The following FAM120B variants were observed in gnomAD, a reference collection of about 807,000 sequenced individuals.
FAM120B encodes family with sequence similarity 120 member B.
FAM120B carries 83 observed loss-of-function variants against 96.3 expected under a neutral mutation model. That is an observed-to-expected ratio of 0.86 (90% confidence interval 0.72 to 1.03). The LOEUF is 1.03. Ranked by LOEUF, FAM120B falls within the 50% of genes least tolerant of loss-of-function variation. FAM120B has a pLI of 0.00. For missense variants in FAM120B, 1,027 were observed against 1,121.2 expected, an observed-to-expected ratio of 0.92 and a Z score of 1.20; for synonymous variants, 407 against 402.7, an observed-to-expected ratio of 1.01 and a Z score of -0.13.
chr6:170,313,231 A>G (rs1483529566), intron 1 of FAM120B, among the ~76,000 whole-genome samples: 2 of 152,192 alleles, frequency 1.3e-5, no homozygotes, highest in African/African-American at 2.4e-5. Flanking sequence ...GATAAATATT[A>G]ATCTCTTGGG....
intron 1 of FAM120B, 105 bp from the exon 2 acceptor site, chr6:170,317,265 T>C (rs1048813215): frequency 2.3e-6 from 2 of 861,976 alleles, no homozygotes; most frequent in South Asian, 1.7e-5. Context: ...GAGACAAGAG[T>C]GTTTTTGGAA....
In FAM120B at chr6:170,308,756, T is replaced by C. The variant is rs547840582; in HGVS notation, c.-22+1914T>C. 2.6e-5 allele frequency among the ~76,000 whole-genome samples: 4 copies of C among 152,362 alleles called. No homozygotes were observed. In the South Asian group the frequency reaches 8.3e-4, roughly 32 times the overall value. On this transcript the variant is annotated intron_variant, in intron 1 of 10. Transcript: ENST00000476287. ...TATCCAGCCTTGAGATTTGCATTTT[T>C]GTCCTTCAGACACCTTCCCTTCCCT...
chr6:170,362,568 C>T (rs760054280), intron 6 of FAM120B, among the ~76,000 whole-genome samples: 4 of 152,136 alleles, frequency 2.6e-5, no homozygotes, highest in Admixed American at 1.3e-4. Flanking sequence ...GTGTGTACTA[C>T]GTATACTGCC....
chr6:170,398,819 G>T (rs541972394), intron 9 of FAM120B, among the ~76,000 whole-genome samples: 6 of 151,420 alleles, frequency 4.0e-5, no homozygotes, highest in African/African-American at 7.3e-5. Flanking sequence ...TCTTAGGAGT[G>T]AGTGGGGAAG....
intron 2 of FAM120B, among the ~76,000 whole-genome samples, chr6:170,319,623 C>G (rs1339597185): frequency 1.3e-5 from 2 of 152,072 alleles, no homozygotes; most frequent in African/African-American, 4.8e-5. Context: ...AGCTGAGATT[C>G]TCCAGCCTGG....
intron 9 of FAM120B, among the ~76,000 whole-genome samples, chr6:170,404,028 A>G (rs1176537736): frequency 6.6e-6 from 1 of 152,180 alleles, no homozygotes; most frequent in Non-Finnish European, 1.5e-5. Context: ...CAGAGCAGGG[A>G]ACTCTGGAAG....
intron 6 of FAM120B, among the ~76,000 whole-genome samples, chr6:170,375,511 A>G (rs1181452918): frequency 6.6e-6 from 1 of 152,228 alleles, no homozygotes; most frequent in Non-Finnish European, 1.5e-5. Context: ...GTGTTCTAAA[A>G]TGGAATCAGC....
chr6:170,354,546 G>C (rs1418765146), intron 5 of FAM120B, among the ~76,000 whole-genome samples: 1 of 152,100 alleles, frequency 6.6e-6, no homozygotes, highest in South Asian at 2.1e-4. Context: ...AGTCTACAAA[G>C]AACTTAAACA....
Position 170,385,808 on chromosome 6 carries a change from G to A in FAM120B, c.2284-2479G>A, listed in dbSNP as rs532660581. 4.6e-5 allele frequency among the ~76,000 whole-genome samples: 7 copies of A among 152,276 alleles called. No homozygotes were observed. In the East Asian group the frequency reaches 5.8e-4, roughly 13 times the overall value. ...GAATGTTATTCAGTACTAAAAATAC[G>A]TCTATCAAGCTATGAAAAGACATGG... On this transcript the variant is annotated intron_variant, in intron 6 of 10. Transcript: ENST00000476287.
chr6:170,343,452 A>C (rs1786971696), intron 4 of FAM120B, among the ~76,000 whole-genome samples: 1 of 152,086 alleles, frequency 6.6e-6, no homozygotes, highest in African/African-American at 2.4e-5. Flanking sequence ...GGCATTCAAT[A>C]AATATTTCTT....
intron 6 of FAM120B, among the ~76,000 whole-genome samples, chr6:170,361,874 A>G (rs111825226): frequency 0.055 from 8,425 of 152,046 alleles, 316 homozygotes; most frequent in Non-Finnish European, 0.084. Flanking sequence ...GCTCACTGCA[A>G]CCTCCACCTC....
At chr6:170,297,967 A>T (rs1363304665) in intron 1 of FAM120B, 1 of 152,214 alleles carries the variant, frequency 6.6e-6, no homozygotes, top group African/African-American at 2.4e-5. Flanking sequence ...TAAATCTCAG[A>T]TGTAAGACTT....
intron 4 of FAM120B, among the ~76,000 whole-genome samples, chr6:170,331,216 A>G (rs1583213307): frequency 6.6e-6 from 1 of 152,166 alleles, no homozygotes; most frequent in East Asian, 1.9e-4. Context: ...CTACACACAA[A>G]CAGTTAAGGA....
At chr6:170,292,188 C>T (rs1783896969), upstream of FAM120B, among the ~76,000 whole-genome samples, 1 of 152,242 alleles carries the variant, frequency 6.6e-6, no homozygotes, top group Non-Finnish European at 1.5e-5. The surrounding 1 kb of genome is among the most constrained non-coding windows in gnomAD (Gnocchi z 6.6). Context: ...TTTACACAAC[C>T]GTCACCTTAT....
Position 170,317,989 on chromosome 6 carries a change from G to T in FAM120B, c.599G>T (p.Ser200Ile). The T allele has an allele frequency of 6.2e-7, 1 of 1,613,794 alleles. No homozygotes were observed. The highest frequency in any genetic ancestry group is 8.5e-7 in the Non-Finnish European group (1 of 1,179,782). ...TCAATTAGCGAGCTCTGCCTAGAGAGCCTGGACACCGTCATGCTCTGCAGA... is the reference window on the plus strand; with the variant it reads ...TCAATTAGCGAGCTCTGCCTAGAGATCCTGGACACCGTCATGCTCTGCAGA... ...YFSISELCLE[S>I]LDTVMLCREK... Residue 200 changes from serine (S) to isoleucine (I), a missense_variant, in exon 2 of 11, where the codon AGC becomes ATC. Physicochemically the swap from Ser to Ile is moderately radical, Grantham distance 142. Transcript: ENST00000476287.
rs917286468 is a variant in FAM120B, at chr6:170,295,691, C to T, written c.48+238C>T. Among the ~76,000 whole-genome samples, 26 of 152,118 alleles carry T rather than the reference C, an allele frequency of 1.7e-4. No individual in the cohort carries two copies. The highest frequency in any genetic ancestry group is 6.3e-4 in the African/African-American group (26 of 41,440). ...GTGACTTCCCCGGTGCGGCCGGGTC[C>T]CGGCGCCACACGCCCTTTTCCTTTC... On this transcript the variant is annotated intron_variant, in intron 1 of 10. Coordinates refer to the FAM120B transcript ENST00000537664. The surrounding 1 kb of genome is among the most constrained non-coding windows in gnomAD (Gnocchi z 7.8).
chr6:170,314,992 C>T (rs1784812786), intron 1 of FAM120B, among the ~76,000 whole-genome samples: 1 of 152,252 alleles, frequency 6.6e-6, no homozygotes, highest in South Asian at 2.1e-4. Flanking sequence ...GCCTGAGAGC[C>T]CCACTGGCTG....
chr6:170,329,357 C>T (rs530188042), intron 3 of FAM120B, among the ~76,000 whole-genome samples: 207 of 152,330 alleles, frequency 1.4e-3, no homozygotes, highest in African/African-American at 4.8e-3. Flanking sequence ...AACAATCTGG[C>T]ACTGCCCATT....
upstream of FAM120B, among the ~76,000 whole-genome samples, chr6:170,292,812 C>T (rs552398255): frequency 5.1e-4 from 78 of 152,192 alleles, no homozygotes; most frequent in Admixed American, 8.5e-4. This position sits in a 1 kb window ranked among gnomAD's most constrained non-coding sequence, Gnocchi z 6.6. Context: ...GTTTTAGGAT[C>T]AACAGAGATG....
Sources: gnomAD v4.1 joint callset for allele counts (sites outside exome capture counted in the v4.1 genomes callset) on GRCh38, gnomAD v4.1.1 for gene constraint, Gnocchi (gnomAD v3.1) non-coding constraint, MANE v1.5 for transcripts, NCBI Gene and HGNC (gene_info 2026-07-23, HGNC 2026-07-21) for gene names.